Variants in AK7 observed in about 807,000 individuals in gnomAD.
AK7 encodes the protein adenylate kinase 7.
Under a neutral mutation model 96.6 loss-of-function variants are expected in AK7, and 78 were observed. The observed-to-expected ratio is 0.81, with a 90% confidence interval of 0.67 to 0.97. AK7 has a LOEUF of 0.97. Among genes scored for constraint, AK7 ranks in the 50% least tolerant of loss-of-function variants. The probability of loss-of-function intolerance (pLI) is 0.00; values close to 1 mark genes in which losing one functional copy is unlikely to be tolerated. For missense variants in AK7, 855 were observed against 887.9 expected, an observed-to-expected ratio of 0.96 and a Z score of 0.47; for synonymous variants, 302 against 317.2, an observed-to-expected ratio of 0.95 and a Z score of 0.51.
chr14:96,416,882 G>A (rs1475123471), intron 4 of AK7, among the ~76,000 whole-genome samples: 1 of 152,202 alleles, frequency 6.6e-6, no homozygotes, highest in African/African-American at 2.4e-5. Context: ...GCCCCCTCTG[G>A]TTGGAATTTA....
chr14:96,418,195 G>A (rs1320371053), intron 4 of AK7, among the ~76,000 whole-genome samples: 1 of 151,082 alleles, frequency 6.6e-6, no homozygotes, highest in Admixed American at 6.6e-5. Flanking sequence ...TGGCATGGTG[G>A]CAAGCACCTG....
At chr14:96,404,921 C>A in intron 3 of AK7, 56 bp downstream of exon 3, 1 of 1,270,004 alleles carries the variant, frequency 7.9e-7, no homozygotes, top group Non-Finnish European at 1.1e-6. Context: ...CTGCCTACTT[C>A]ACCTAATAGT....
intron 12 of AK7, among the ~76,000 whole-genome samples, chr14:96,466,022 A>G (rs1595450500): frequency 1.3e-5 from 2 of 151,470 alleles, no homozygotes; most frequent in African/African-American, 4.8e-5. Flanking sequence ...AAAAAAAAAA[A>G]AAAAGAAACC....
intron 5 of AK7, chr14:96,423,815 T>A (rs1201645392): frequency 2.6e-5 from 20 of 765,750 alleles, no homozygotes; most frequent in Non-Finnish European, 4.8e-5. Context: ...CACCTTGAAT[T>A]TGCCACGGTG....
chr14:96,410,778 G>A (rs1890985373), intron 4 of AK7, among the ~76,000 whole-genome samples: 1 of 152,194 alleles, frequency 6.6e-6, no homozygotes, highest in Non-Finnish European at 1.5e-5. Context: ...CAAGGCAGGA[G>A]GATTGCTTGA....
At chr14:96,467,232 T>C (rs1894619432) in intron 12 of AK7, among the ~76,000 whole-genome samples, 1 of 152,142 alleles carries the variant, frequency 6.6e-6, no homozygotes, top group Non-Finnish European at 1.5e-5. Context: ...TTTAACAAAT[T>C]AGTGCAGTAT....
At chr14:96,418,917 G>A (rs1314043652) in intron 4 of AK7, among the ~76,000 whole-genome samples, 3 of 152,250 alleles carry the variant, frequency 2.0e-5, no homozygotes, top group Non-Finnish European at 4.4e-5. Flanking sequence ...TTAGACCAAT[G>A]TATTGTGATT....
At chr14:96,416,488 G>A (rs1451477356) in intron 4 of AK7, among the ~76,000 whole-genome samples, 1 of 152,094 alleles carries the variant, frequency 6.6e-6, no homozygotes. Context: ...TGTAGACTAT[G>A]TTCTTTACCT....
intron 9 of AK7, among the ~76,000 whole-genome samples, 167 bp downstream of exon 9, chr14:96,450,046 C>T (rs1893498897): frequency 6.6e-6 from 1 of 152,082 alleles, no homozygotes; most frequent in Non-Finnish European, 1.5e-5. Flanking sequence ...TACCACACCA[C>T]CAGATATTCT....
intron 4 of AK7, among the ~76,000 whole-genome samples, chr14:96,415,107 G>A (rs1348390842): frequency 1.3e-5 from 2 of 151,758 alleles, no homozygotes; most frequent in Non-Finnish European, 2.9e-5. Context: ...AAATTTGAGG[G>A]GCTAAAAGCA....
chr14:96,394,845 T>G (rs909593824), intron 1 of AK7, among the ~76,000 whole-genome samples: 1 of 152,046 alleles, frequency 6.6e-6, no homozygotes, highest in African/African-American at 2.4e-5. Context: ...GTGTGGTGGC[T>G]TGCGCCTGTA....
Position 96,483,231 on chromosome 14 carries a change from G to A in AK7, c.1974+12G>A, listed in dbSNP as rs767937513. 2.5e-6 allele frequency: 4 copies of A among 1,579,474 alleles called. No individual in the cohort carries two copies. The highest frequency in any genetic ancestry group is 1.1e-5 in the South Asian group (1 of 87,210). ...GCTGGGAGGAGTGGGTGAGTGGTGAGTGTGTTTGTGAGTCTGTGTATCTGT... is the reference window on the plus strand; with the variant it reads ...GCTGGGAGGAGTGGGTGAGTGGTGAATGTGTTTGTGAGTCTGTGTATCTGT... On this transcript the variant is annotated intron_variant, in intron 16 of 17. Coordinates refer to ENST00000267584, the MANE Select transcript of AK7 (RefSeq NM_152327.5).
At chr14:96,410,822 G>A (rs182637165) in intron 4 of AK7, among the ~76,000 whole-genome samples, 13 of 152,190 alleles carry the variant, frequency 8.5e-5, no homozygotes, top group African/African-American at 3.1e-4. Flanking sequence ...GGGTAACAGG[G>A]CGAAACCACG....
Position 96,392,205 on chromosome 14 carries a change from C to A in AK7, c.51C>A (p.Thr17=), listed in dbSNP as rs111419100. 2,705 of 1,613,752 alleles carry A rather than the reference C, an allele frequency of 1.7e-3. 46 individuals carry two copies. The African/African-American group carries it at 0.032, about 19-fold the overall frequency. The part of the protein sequence containing the change: ...TAALTEKVIR[T]QRVFINLLDS... ...CTCTCACGGAGAAGGTTATCCGGAC[C>A]CAGAGGGTGTTTATAAACCTGTTGG... is the stretch of plus-strand genomic sequence containing the variant. Residue 17 remains threonine (T), a synonymous_variant, in exon 1 of 18, where the codon ACC becomes ACA. Transcript: ENST00000267584.
At chr14:96,412,060 G>A (rs1891062626) in intron 4 of AK7, among the ~76,000 whole-genome samples, 1 of 152,098 alleles carries the variant, frequency 6.6e-6, no homozygotes, top group Non-Finnish European at 1.5e-5. Context: ...CTATAAAACA[G>A]AGCCCTCCAA....
chr14:96,411,768 G>T (rs1175010054), intron 4 of AK7, among the ~76,000 whole-genome samples: 3 of 152,200 alleles, frequency 2.0e-5, no homozygotes, highest in Non-Finnish European at 2.9e-5. Flanking sequence ...ATTGAAGGGG[G>T]CGTGGCAGAA....
intron 12 of AK7, among the ~76,000 whole-genome samples, chr14:96,459,984 T>C (rs1161243706): frequency 6.6e-6 from 1 of 152,228 alleles, no homozygotes; most frequent in African/African-American, 2.4e-5. Context: ...TGATTCATTG[T>C]AGCCAGTTTG....
At chr14:96,402,215 ACAC>A (rs933457122) in intron 2 of AK7, among the ~76,000 whole-genome samples, 1 of 151,454 alleles carries the variant, frequency 6.6e-6, no homozygotes, top group African/African-American at 2.4e-5. Context: ...ACACACACAC[ACAC>A]AATTCTTCTT....
At chr14:96,401,724 T>C (rs1405491470) in intron 2 of AK7, among the ~76,000 whole-genome samples, 1 of 152,190 alleles carries the variant, frequency 6.6e-6, no homozygotes, top group Admixed American at 6.5e-5. Context: ...ACCGTTAGCC[T>C]GGTTCAGGTT....
Sources: allele counts gnomAD v4.1 joint callset (sites outside exome capture counted in the v4.1 genomes callset), GRCh38; gene constraint gnomAD v4.1.1; transcripts MANE v1.5; gene names NCBI Gene and HGNC (gene_info 2026-07-23, HGNC 2026-07-21).